ACOX1: variants seen among roughly 807,000 people sequenced by gnomAD.
ACOX1 encodes peroxisomal acyl-coenzyme A oxidase 1.
Under a neutral mutation model 75.5 loss-of-function variants are expected in ACOX1, and 41 were observed. The ratio of observed to expected loss-of-function variants is 0.54; its 90% confidence interval spans 0.42 to 0.70. The LOEUF (loss-of-function observed/expected upper bound fraction) is 0.70. Ranked by LOEUF, ACOX1 falls within the 30% of genes least tolerant of loss-of-function variation. The pLI, the probability that ACOX1 is intolerant of heterozygous loss-of-function variation, is 0.00. For missense variants in ACOX1, 630 were observed against 837.5 expected (o/e 0.75, Z 3.06); for synonymous variants, 303 against 298.8 (o/e 1.01, Z -0.15).
At position 75,955,637 on chromosome 17, in the gene ACOX1, T is replaced by C. The variant is rs199538132; in HGVS notation, c.703A>G (p.Ile235Val). The C allele has an allele frequency of 3.5e-5, 57 of 1,614,184 alleles. No individual in the cohort carries two copies. In the Admixed American group the frequency reaches 6.8e-4, roughly 19 times the overall value. ...DIGPKFGYDE[I>V]DNGYLKMDNH... ...TCCATTTTGAGGTAGCCATTGTCTA[T>C]CTCATCATAACCAAATTTGGGGCCG... The change falls in exon 6 of 14, where the codon ATA (isoleucine) becomes GTA (valine). Residue 235 changes from isoleucine (I) to valine (V), a missense_variant. This residue lies in a region of ACOX1 where 390 missense variants were observed against 574.9 expected (regional missense o/e 0.68). Coordinates refer to ENST00000293217, the MANE Select transcript of ACOX1 (RefSeq NM_004035.7).
chr17:75,968,134 T>C (rs1169498583), intron 2 of ACOX1, among the ~76,000 whole-genome samples: 1 of 151,240 alleles, frequency 6.6e-6, no homozygotes, highest in African/African-American at 2.4e-5. Context: ...AAACATTAAG[T>C]GTTAGAAATA....
chr17:75,942,429 C>CAAAAAAAAAA lies in ACOX1; in HGVS notation c.*4309_*4318dup, dbSNP rs35173085. ...TGGGTGAAAGAGCAAGACAACGTCTCAAAAAAAAAAAAAAAAAAAAAAGCA... is the reference window on the plus strand; with the variant it reads ...TGGGTGAAAGAGCAAGACAACGTCTCAAAAAAAAAAAAAAAAAAAAAAAAAAAAAAAAGCA... On this transcript the variant is annotated 3_prime_UTR_variant, in exon 14 of 14. Coordinates refer to ENST00000293217, the MANE Select transcript of ACOX1 (RefSeq NM_004035.7). 1.5e-5 allele frequency: 1 copy of CAAAAAAAAAA among 66,630 alleles called. No homozygotes were observed. The highest frequency in any genetic ancestry group is 5.5e-5 in the African/African-American group (1 of 18,042). 4.1% of individuals were successfully genotyped at this position (66,630 alleles called of 1,614,324 possible). A position where few individuals can be genotyped will look rare whatever the true frequency, so the allele number is the denominator to read the frequency against.
chr17:75,960,710 G>A lies in ACOX1; in HGVS notation c.270-335C>T, dbSNP rs778391004. Among the ~76,000 whole-genome samples, 4 of 152,320 alleles carry A rather than the reference G, an allele frequency of 2.6e-5. No individual in the cohort carries two copies. Among genetic ancestry groups the A allele is most frequent in the Non-Finnish European group, 4.4e-5 (3 of 68,026 alleles). On this transcript the variant is annotated intron_variant, in intron 2 of 13. Transcript: ENST00000293217. This position sits in a 1 kb window ranked among gnomAD's most constrained non-coding sequence, Gnocchi z 4.4. The stretch of plus-strand genomic sequence containing the variant: ...GAAAATTTGAGAGGCCAGTGCAGTG[G>A]ATCATGCCTACAATCTCAGCACTTT...
rs1441310585 is a variant in ACOX1, at chr17:75,943,134, G to A, written c.*3614C>T. Reference sequence around the variant, plus strand: ...CCAGCTACTCAGGAGGCTGAGGTGGGAGAATCGCTCGAACCCGGGAGGTGA... The same window carrying A: ...CCAGCTACTCAGGAGGCTGAGGTGGAAGAATCGCTCGAACCCGGGAGGTGA... On this transcript the variant is annotated 3_prime_UTR_variant, in exon 14 of 14. Transcript: ENST00000293217. The A allele has an allele frequency of 6.6e-6, 1 of 151,326 alleles. No individual in the cohort carries two copies. The highest frequency in any genetic ancestry group is 1.9e-4 in the East Asian group (1 of 5,156). The allele number at this position is 151,326 out of a possible 1,614,324, so 9.4% of individuals were successfully genotyped here.
At position 75,973,767 on chromosome 17, in the gene ACOX1, A is replaced by G. The variant is rs369150842; in HGVS notation, c.269+4767T>C. ...AGTAATTGAGGCCCACAGGTTCCACAAAATTGACCAAATGTAGTCTACAGG... is the reference window on the plus strand; with the variant it reads ...AGTAATTGAGGCCCACAGGTTCCACGAAATTGACCAAATGTAGTCTACAGG... On this transcript the variant is annotated intron_variant, in intron 2 of 13. Transcript: ENST00000293217. 5 of 1,614,082 alleles carry G rather than the reference A, an allele frequency of 3.1e-6. No individual in the cohort carries two copies. The African/African-American group carries it at 6.7e-5, about 22-fold the overall frequency.
intron 2 of ACOX1, among the ~76,000 whole-genome samples, chr17:75,975,126 C>T (rs1328187494): frequency 6.6e-6 from 1 of 150,728 alleles, no homozygotes; most frequent in Non-Finnish European, 1.5e-5. Context: ...TTTTCTATTT[C>T]CTAAATAAGT....
intron 2 of ACOX1, among the ~76,000 whole-genome samples, chr17:75,972,548 G>A (rs143729515): frequency 0.019 from 2,843 of 151,050 alleles, 53 homozygotes; most frequent in East Asian, 0.088. Flanking sequence ...CGGGAGGCTC[G>A]GGCAGGAGAG....
At chr17:75,947,869 T>C (rs988114784) in intron 13 of ACOX1, among the ~76,000 whole-genome samples, 3 of 151,884 alleles carry the variant, frequency 2.0e-5, no homozygotes, top group African/African-American at 7.3e-5. Context: ...CCGTGCACCA[T>C]TACTGCCTGG....
intron 2 of ACOX1, among the ~76,000 whole-genome samples, chr17:75,968,979 T>G (rs1464540602): frequency 6.6e-6 from 1 of 151,918 alleles, no homozygotes; most frequent in Non-Finnish European, 1.5e-5. Context: ...GTGACCACGT[T>G]GATGGAGCTG....
intron 2 of ACOX1, chr17:75,973,540 G>A: frequency 1.5e-6 from 2 of 1,376,628 alleles, no homozygotes; most frequent in Admixed American, 3.4e-5. Context: ...CAAACAGGTA[G>A]CAGCAGAAAA....
At chr17:75,961,465 CAAAAAAA>C (rs142857967) in intron 2 of ACOX1, among the ~76,000 whole-genome samples, 1 of 50,786 alleles carries the variant, frequency 2.0e-5, no homozygotes, top group Non-Finnish European at 3.6e-5. Context: ...ACTAAAAATA[CAAAAAAA>C]AAAAAAAAAA....
Position 75,943,380 on chromosome 17 carries a change from T to A in ACOX1, c.*3368A>T, listed in dbSNP as rs570331989. 41 of 151,288 alleles carry A rather than the reference T, an allele frequency of 2.7e-4. No homozygotes were observed. Among genetic ancestry groups the A allele is most frequent in the African/African-American group, 9.5e-4 (39 of 41,226 alleles). 9.4% of individuals were successfully genotyped at this position (151,288 alleles called of 1,614,324 possible). On this transcript the variant is annotated 3_prime_UTR_variant, in exon 14 of 14. Coordinates refer to ENST00000293217, the MANE Select transcript of ACOX1 (RefSeq NM_004035.7). ...CCCTATTTCCAAAAATAAAAAAAAATAAAAAATTAGCCAGGTGTGGTGGTG... is the reference window on the plus strand; with the variant it reads ...CCCTATTTCCAAAAATAAAAAAAAAAAAAAAATTAGCCAGGTGTGGTGGTG...
At position 75,943,127 on chromosome 17, in the gene ACOX1, G is replaced by C. The variant is rs886053438; in HGVS notation, c.*3621C>G. 3 of 151,682 alleles carry C rather than the reference G, an allele frequency of 2.0e-5. No individual in the cohort carries two copies. The highest frequency in any genetic ancestry group is 4.9e-5 in the African/African-American group (2 of 41,206). The allele number at this position is 151,682 out of a possible 1,614,324, so 9.4% of individuals were successfully genotyped here. ...TGTAATCCCAGCTACTCAGGAGGCT[G>C]AGGTGGGAGAATCGCTCGAACCCGG... On this transcript the variant is annotated 3_prime_UTR_variant, in exon 14 of 14. Transcript: ENST00000293217.
Position 75,955,837 on chromosome 17 carries a change from G to A in ACOX1, c.649C>T (p.Pro217Ser), listed in dbSNP as rs754549568. ...GATGAACAGTTCTTACCTGGCAAAG[G>A]CTTATGGGTCCCGATTTCACGAATA... is the stretch of plus-strand genomic sequence containing the variant. ...VPIREIGTHK[P>S]LPGITVGDIG... The change falls in exon 5 of 14, where the codon CCT (proline) becomes TCT (serine). Residue 217 changes from proline to serine, a missense_variant. Around this residue, in one of 2 missense-constraint regions of ACOX1, gnomAD observed 390 missense variants for 574.9 expected, o/e 0.68. Transcript: ENST00000293217. The A allele has an allele frequency of 3.7e-6, 6 of 1,614,106 alleles. No homozygotes were observed.
Position 75,960,014 on chromosome 17 carries a change from C to T in ACOX1, c.430+201G>A, listed in dbSNP as rs2065873327. On this transcript the variant is annotated intron_variant, in intron 3 of 13. Coordinates refer to ENST00000293217, the MANE Select transcript of ACOX1 (RefSeq NM_004035.7). The surrounding 1 kb of genome is among the most constrained non-coding windows in gnomAD (Gnocchi z 4.4). ...AAGGGGAACTATGGTATAAAAAGGA[C>T]AATCATTTTATCAGTATCATGGTCT... 6.6e-6 allele frequency among the ~76,000 whole-genome samples: 1 copy of T among 152,146 alleles called. No individual in the cohort carries two copies. Among genetic ancestry groups the T allele is most frequent in the African/African-American group, 2.4e-5 (1 of 41,434 alleles).
rs977592396 is a variant in ACOX1 at position 75,942,376 on chromosome 17, G to A, written c.*4372C>T. 1 of 135,922 alleles carries A rather than the reference G, an allele frequency of 7.4e-6. No homozygotes were observed. Among genetic ancestry groups the A allele is most frequent in the Non-Finnish European group, 1.5e-5 (1 of 66,480 alleles). 8.4% of individuals were successfully genotyped at this position (135,922 alleles called of 1,614,324 possible). ...ACCCGGGAGGCAGAGGTTGCAGTGA[G>A]CCAAGATTTCGCCACTGCACTCTAC... On this transcript the variant is annotated 3_prime_UTR_variant, in exon 14 of 14. Transcript: ENST00000293217.
At chr17:75,968,568 T>A (rs2065962657) in intron 2 of ACOX1, among the ~76,000 whole-genome samples, 1 of 138,010 alleles carries the variant, frequency 7.2e-6, no homozygotes, top group Admixed American at 7.6e-5. Context: ...ATCATGCCAC[T>A]GCACTCCAGC....
intron 6 of ACOX1, among the ~76,000 whole-genome samples, chr17:75,953,894 G>C (rs2065797528): frequency 6.6e-6 from 1 of 152,232 alleles, no homozygotes; most frequent in African/African-American, 2.4e-5. Flanking sequence ...CTTCAACCCT[G>C]ACAACTGTTT....
At chr17:75,954,255 T>C (rs1379949562) in intron 6 of ACOX1, among the ~76,000 whole-genome samples, 3 of 146,728 alleles carry the variant, frequency 2.0e-5, no homozygotes, top group Non-Finnish European at 3.0e-5. Flanking sequence ...GTGCGGTGGC[T>C]CATGCCTGTA....
Sources: allele counts gnomAD v4.1 joint callset (sites outside exome capture counted in the v4.1 genomes callset), GRCh38; gene constraint gnomAD v4.1.1; regional missense constraint gnomAD v4.1.1; non-coding constraint Gnocchi (gnomAD v3.1); transcripts MANE v1.5; gene names NCBI Gene and HGNC (gene_info 2026-07-23, HGNC 2026-07-21).